HIBADH: variants seen among roughly 807,000 people sequenced by gnomAD.
The protein encoded by HIBADH is 3-hydroxyisobutyrate dehydrogenase, mitochondrial.
A neutral mutation model predicts 36.1 loss-of-function variants in HIBADH; 25 were observed. That is an observed-to-expected ratio of 0.69 (90% CI 0.50 to 0.97). HIBADH has a LOEUF of 0.97. HIBADH is among the 50% of genes least tolerant of loss of function. The pLI, the probability that HIBADH is intolerant of heterozygous loss-of-function variation, is 0.00. For synonymous variants in HIBADH, 160 were observed against 149.5 expected (o/e 1.07, Z -0.51); for missense variants, 421 against 418.0 (o/e 1.01, Z -0.06).
chr7:27,657,772 TTCCTA>T (rs1307562730), intron 1 of HIBADH, among the ~76,000 whole-genome samples: 1 of 152,140 alleles, frequency 6.6e-6, no homozygotes, highest in Non-Finnish European at 1.5e-5. Context: ...AAGGCCTAGG[TTCCTA>T]TCCTGATAAG....
At chr7:27,635,197 T>A (rs935668879) in intron 2 of HIBADH, among the ~76,000 whole-genome samples, 2 of 151,922 alleles carry the variant, frequency 1.3e-5, no homozygotes, top group African/African-American at 4.8e-5. Flanking sequence ...AATCTCACCA[T>A]CCATGTGATG....
At chr7:27,635,979 T>G (rs1785834108) in intron 2 of HIBADH, among the ~76,000 whole-genome samples, 1 of 152,246 alleles carries the variant, frequency 6.6e-6, no homozygotes, top group African/African-American at 2.4e-5. Context: ...TATGCCAGTA[T>G]GCATCAATGG....
intron 2 of HIBADH, among the ~76,000 whole-genome samples, chr7:27,645,076 C>T (rs1346662654): frequency 2.0e-5 from 3 of 152,232 alleles, no homozygotes; most frequent in African/African-American, 4.8e-5. Flanking sequence ...TAGATTTTTG[C>T]GTTGTTTCCA....
At chr7:27,606,526 G>A (rs1021874080) in intron 4 of HIBADH, among the ~76,000 whole-genome samples, 1 of 152,194 alleles carries the variant, frequency 6.6e-6, no homozygotes, top group Non-Finnish European at 1.5e-5. Flanking sequence ...CAGACTAGGC[G>A]CCAGCTGATA....
At chr7:27,539,675 G>A (rs1041567176) in intron 5 of HIBADH, among the ~76,000 whole-genome samples, 4 of 152,100 alleles carry the variant, frequency 2.6e-5, no homozygotes, top group African/African-American at 9.7e-5. Context: ...GAATGATGAG[G>A]GGGTTAGGGG....
intron 4 of HIBADH, among the ~76,000 whole-genome samples, chr7:27,563,707 G>A (rs1784499824): frequency 6.6e-6 from 1 of 152,084 alleles, no homozygotes; most frequent in African/African-American, 2.4e-5. Flanking sequence ...TTTCTTTGGT[G>A]ACATGTCTGT....
intron 4 of HIBADH, among the ~76,000 whole-genome samples, chr7:27,566,279 AC>A (rs922777600): frequency 1.8e-4 from 28 of 152,098 alleles, no homozygotes; most frequent in African/African-American, 6.8e-4. Flanking sequence ...TCACAAAAAA[AC>A]ATCTAGGCTT....
intron 4 of HIBADH, among the ~76,000 whole-genome samples, chr7:27,557,419 T>C (rs1399570604): frequency 6.6e-6 from 1 of 152,226 alleles, no homozygotes; most frequent in Non-Finnish European, 1.5e-5. Flanking sequence ...AAGAATAATA[T>C]TAAACTATAT....
chr7:27,662,708 G>T lies in HIBADH; in HGVS notation c.81C>A (p.Ser27Arg). ...WSRRLRPAAG[S>R]FAAVCSRSVA... ...GCGTGAGGTCCTTACCCGCTGCAAA[G>T]CTGCCGGCTGCCGGCCGCAGCCGCC... The change falls in exon 1 of 8, where the codon AGC becomes AGA. Residue 27 changes from serine to arginine, a missense_variant. By Grantham distance (110) the Ser-to-Arg change is moderately radical. Transcript: ENST00000265395. 3 of 1,367,686 alleles carry T rather than the reference G, an allele frequency of 2.2e-6. No homozygotes were observed. The highest frequency in any genetic ancestry group is 1.7e-5 in the South Asian group (1 of 59,130). The allele number at this position is 1,367,686 out of a possible 1,614,324, so 84.7% of individuals were successfully genotyped here.
chr7:27,662,368 T>A (rs1474013126), intron 1 of HIBADH, among the ~76,000 whole-genome samples: 1 of 152,112 alleles, frequency 6.6e-6, no homozygotes, highest in African/African-American at 2.4e-5. Context: ...CCAAACGTCC[T>A]CGGAGTCCTA....
intron 1 of HIBADH, among the ~76,000 whole-genome samples, chr7:27,656,421 T>C (rs77016901): frequency 6.6e-6 from 1 of 152,096 alleles, no homozygotes; most frequent in Non-Finnish European, 1.5e-5. Flanking sequence ...TGTAGGACAC[T>C]TGATAATTCA....
At chr7:27,526,675 C>CAACATAAA (rs1209864954) in intron 7 of HIBADH, among the ~76,000 whole-genome samples, 1 of 152,022 alleles carries the variant, frequency 6.6e-6, no homozygotes, top group East Asian at 1.9e-4. Context: ...CTGTGGAAAT[C>CAACATAAA]TTTAAGACAT....
Position 27,531,140 on chromosome 7 carries a change from T to C in HIBADH, c.852+52A>G, listed in dbSNP as rs117260492. ...TAAGAGAAAGAGAAGGAAGGTGTTA[T>C]TGGACCGTGAAACGTTTTTCCTTCT... is the stretch of plus-strand genomic sequence containing the variant. On this transcript the variant is annotated intron_variant, in intron 7 of 7. Transcript: ENST00000265395. 6,989 of 1,519,002 alleles carry C rather than the reference T, an allele frequency of 4.6e-3. 30 individuals are homozygous for C. The highest frequency in any genetic ancestry group is 5.4e-3 in the Non-Finnish European group (6,077 of 1,122,172). The allele number at this position is 1,519,002 out of a possible 1,614,324, so 94.1% of individuals were successfully genotyped here.
intron 7 of HIBADH, among the ~76,000 whole-genome samples, chr7:27,528,621 T>C (rs1783947983): frequency 6.6e-6 from 1 of 152,196 alleles, no homozygotes; most frequent in South Asian, 2.1e-4. Flanking sequence ...GTGAGGAAGC[T>C]GCAGAAGACG....
At chr7:27,635,656 T>C (rs537176653) in intron 2 of HIBADH, among the ~76,000 whole-genome samples, 45 of 152,328 alleles carry the variant, frequency 3.0e-4, no homozygotes, top group African/African-American at 1.1e-3. Context: ...ACTGGAAGCA[T>C]GTGCAATGAT....
rs749568112 is a variant in HIBADH at position 27,584,212 on chromosome 7, CTA to C, written c.485-41114_485-41113del. Among the ~76,000 whole-genome samples, 82 of 152,156 alleles carry C rather than the reference CTA, an allele frequency of 5.4e-4. No individual in the cohort carries two copies. In the Middle Eastern group the frequency reaches 0.01, roughly 19 times the overall value. ...TGCAATGTGGAAAGAACTTTTTATACTATGTTACATTAAAATCTATCCCTCTA... is the reference window on the plus strand; with the variant it reads ...TGCAATGTGGAAAGAACTTTTTATACTGTTACATTAAAATCTATCCCTCTA... On this transcript the variant is annotated intron_variant, in intron 4 of 7. Coordinates refer to ENST00000265395, the MANE Select transcript of HIBADH (RefSeq NM_152740.4).
intron 2 of HIBADH, among the ~76,000 whole-genome samples, chr7:27,644,600 A>AAAAT (rs386409779): frequency 9.2e-5 from 1 of 10,870 alleles, no homozygotes; most frequent in African/African-American, 9.3e-4. Flanking sequence ...ACTCCATCTC[A>AAAAT]AAAAAAAAAA....
At chr7:27,567,371 T>C (rs951519058) in intron 4 of HIBADH, among the ~76,000 whole-genome samples, 1 of 152,160 alleles carries the variant, frequency 6.6e-6, no homozygotes, top group Non-Finnish European at 1.5e-5. Flanking sequence ...TCTACCTACA[T>C]CATTATATTT....
At chr7:27,550,091 A>C (rs1784298033) in intron 4 of HIBADH, among the ~76,000 whole-genome samples, 1 of 152,008 alleles carries the variant, frequency 6.6e-6, no homozygotes, top group South Asian at 2.1e-4. Context: ...TTGTATTTTT[A>C]GTAGAGATGG....
Sources: allele counts gnomAD v4.1 joint callset (sites outside exome capture counted in the v4.1 genomes callset), GRCh38; gene constraint gnomAD v4.1.1; transcripts MANE v1.5; gene names NCBI Gene and HGNC (gene_info 2026-07-23, HGNC 2026-07-21).